The following COL18A1 variants were observed in gnomAD, a reference collection of about 807,000 sequenced individuals.
The protein encoded by COL18A1 is collagen alpha-1(XVIII) chain.
A neutral mutation model predicts 168.0 loss-of-function variants in COL18A1; 133 were observed. The observed-to-expected ratio is 0.79, with a 90% confidence interval of 0.69 to 0.91. COL18A1 has a LOEUF of 0.91. Among genes scored for constraint, COL18A1 ranks in the 40% least tolerant of loss-of-function variants. The pLI is 0.00. For synonymous variants in COL18A1, 949 were observed against 809.0 expected (o/e 1.17, Z -2.94); for missense variants, 2,126 against 1,925.4 (o/e 1.10, Z -1.95).
intron 3 of COL18A1, among the ~76,000 whole-genome samples, 161 bp downstream of exon 3, chr21:45,468,947 C>T (rs1190860803): frequency 1.3e-5 from 2 of 152,060 alleles, no homozygotes; most frequent in African/African-American, 4.8e-5. Context: ...GGGTTCTTGG[C>T]TGCTCAGCCC....
chr21:45,452,856 TG>T (rs551684688), intron 2 of COL18A1, among the ~76,000 whole-genome samples: 6 of 144,914 alleles, frequency 4.1e-5, no homozygotes, highest in South Asian at 4.4e-4. Flanking sequence ...TATGTATGTG[TG>T]GGGCTTGTGT....
chr21:45,482,449 C>A, intron 14 of COL18A1: 1 of 565,220 alleles, frequency 1.8e-6, no homozygotes, highest in South Asian at 1.7e-5. Flanking sequence ...AGCTGCACTG[C>A]TTTGGACTGA....
At chr21:45,493,077 G>C (rs550412856) in intron 24 of COL18A1, 86 bp from the exon 25 acceptor site, 2 of 1,347,132 alleles carry the variant, frequency 1.5e-6, no homozygotes, top group East Asian at 5.0e-5. Context: ...ATATTGCGGG[G>C]GGCAGCTGTC....
chr21:45,466,824 G>T (rs2035230957), intron 2 of COL18A1, among the ~76,000 whole-genome samples: 1 of 152,238 alleles, frequency 6.6e-6, no homozygotes, highest in African/African-American at 2.4e-5. Flanking sequence ...GTGGTGGGAG[G>T]TTTCTCCAAG....
At chr21:45,507,139 C>G (rs1182657329) in intron 37 of COL18A1, 9 of 194,022 alleles carry the variant, frequency 4.6e-5, no homozygotes, top group African/African-American at 2.7e-4. Context: ...GGAGGGCACC[C>G]TCCTGTGGGC....
chr21:45,510,054 C>T lies in COL18A1; in HGVS notation c.3496-10C>T. The T allele has an allele frequency of 3.9e-6, 6 of 1,550,774 alleles. No homozygotes were observed. The highest frequency in any genetic ancestry group is 5.2e-6 in the Non-Finnish European group (6 of 1,153,660). On this transcript the variant is annotated splice_polypyrimidine_tract_variant and intron_variant, in intron 39 of 41. Coordinates refer to ENST00000651438, the MANE Select transcript of COL18A1 (RefSeq NM_001379500.1). The stretch of plus-strand genomic sequence containing the variant: ...GGGACACAGCCCGTGACGCGCCCCT[C>T]TCCCCGCAGCTCCACCTGGTTGCGC...
chr21:45,489,551 G>A (rs375102776), intron 19 of COL18A1, 30 bp downstream of exon 19: 40 of 1,543,230 alleles, frequency 2.6e-5, no homozygotes, highest in Non-Finnish European at 3.3e-5. Context: ...TCAGGGACGT[G>A]GCCAGGCAGA....
chr21:45,431,888 C>T (rs2033973487), intron 2 of COL18A1, among the ~76,000 whole-genome samples: 1 of 152,164 alleles, frequency 6.6e-6, no homozygotes, highest in Non-Finnish European at 1.5e-5. Context: ...GTGGTCACTG[C>T]TCCTGCCAAG....
At chr21:45,437,354 CT>C (rs1402236438) in intron 2 of COL18A1, among the ~76,000 whole-genome samples, 1 of 61,784 alleles carries the variant, frequency 1.6e-5, no homozygotes, top group Non-Finnish European at 2.9e-5. Context: ...AGGCACTCTC[CT>C]GCGCACACAC....
chr21:45,465,477 C>T (rs1287149673), intron 2 of COL18A1, among the ~76,000 whole-genome samples: 1 of 152,174 alleles, frequency 6.6e-6, no homozygotes, highest in Admixed American at 6.5e-5. Context: ...CACTTCACTG[C>T]GTAAGTGCTA....
rs1302561674 is a variant in COL18A1, at chr21:45,456,972, C to G, written c.107-11270C>G. ...CTGACGTGAGCCTGGTACAGGTTCC[C>G]CCCACATCGAATCTCTACGTTCAGG... is the stretch of plus-strand genomic sequence containing the variant. On this transcript the variant is annotated intron_variant, in intron 2 of 41. Transcript: ENST00000651438. 2.8e-6 allele frequency: 3 copies of G among 1,073,966 alleles called. No homozygotes were observed. The South Asian group carries it at 6.4e-5, about 23-fold the overall frequency. The allele number at this position is 1,073,966 out of a possible 1,614,324, so 66.5% of individuals were successfully genotyped here.
At chr21:45,481,078 G>T (rs2035875330) in intron 13 of COL18A1, among the ~76,000 whole-genome samples, 1 of 152,218 alleles carries the variant, frequency 6.6e-6, no homozygotes, top group Admixed American at 6.5e-5. Context: ...GTGCTGACCA[G>T]TGGGGGTGAC....
intron 15 of COL18A1, among the ~76,000 whole-genome samples, chr21:45,485,252 C>T (rs1386425913): frequency 1.3e-5 from 2 of 148,502 alleles, no homozygotes; most frequent in East Asian, 2.0e-4. Context: ...CCACCTGCCT[C>T]GGCCTCCCAA....
At chr21:45,424,737 C>G (rs1040240348) in intron 2 of COL18A1, 3 of 152,500 alleles carry the variant, frequency 2.0e-5, no homozygotes, top group Middle Eastern at 6.7e-3. Context: ...TCCGGGGCAG[C>G]CCTTGGCCCC....
chr21:45,417,068 T>C (rs1442380110), intron 2 of COL18A1, among the ~76,000 whole-genome samples: 1 of 152,244 alleles, frequency 6.6e-6, no homozygotes, highest in Non-Finnish European at 1.5e-5. Flanking sequence ...CTTTTCTGAC[T>C]GTCGGTGTTC....
intron 2 of COL18A1, among the ~76,000 whole-genome samples, chr21:45,466,679 C>T (rs984461690): frequency 6.6e-5 from 10 of 152,162 alleles, no homozygotes; most frequent in African/African-American, 2.2e-4. Context: ...GGAGAGGAGA[C>T]GGGACAGCTT....
At chr21:45,488,991 G>C (rs890068646) in intron 18 of COL18A1, among the ~76,000 whole-genome samples, 1 of 151,576 alleles carries the variant, frequency 6.6e-6, no homozygotes, top group Non-Finnish European at 1.5e-5. Flanking sequence ...GGCAGCAGCC[G>C]CCTTTCACCC....
At chr21:45,412,217 C>G (rs1220117479) in intron 2 of COL18A1, among the ~76,000 whole-genome samples, 1 of 143,730 alleles carries the variant, frequency 7.0e-6, no homozygotes, top group Non-Finnish European at 1.5e-5. Context: ...TATGATATTT[C>G]TTTAACTGGG....
intron 40 of COL18A1, among the ~76,000 whole-genome samples, chr21:45,510,462 A>C (rs2037514426): frequency 6.6e-6 from 1 of 152,092 alleles, no homozygotes. Flanking sequence ...ATCCCTGGGC[A>C]CTGCCACGTC....
Sources: allele counts gnomAD v4.1 joint callset (sites outside exome capture counted in the v4.1 genomes callset), GRCh38; gene constraint gnomAD v4.1.1; transcripts MANE v1.5; gene names NCBI Gene and HGNC (gene_info 2026-07-23, HGNC 2026-07-21).